The following LONP2 variants were observed in gnomAD, a reference collection of about 807,000 sequenced individuals.
The protein encoded by LONP2 is lon protease homolog 2, peroxisomal.
Under a neutral mutation model 85.6 loss-of-function variants are expected in LONP2, and 60 were observed. The observed-to-expected ratio is 0.70, with a 90% CI of 0.57 to 0.87. LONP2 has a LOEUF of 0.87. Ranked by LOEUF, LONP2 falls within the 40% of genes least tolerant of loss-of-function variation. The pLI, the probability that LONP2 is intolerant of heterozygous loss-of-function variation, is 0.00. For synonymous variants in LONP2, 395 were observed against 389.7 expected (o/e 1.01, Z -0.16); for missense variants, 860 against 1,063.5 (o/e 0.81, Z 2.66).
chr16:48,253,105 C>T (rs1971687924), intron 2 of LONP2, among the ~76,000 whole-genome samples: 1 of 152,126 alleles, frequency 6.6e-6, no homozygotes, highest in African/African-American at 2.4e-5. Flanking sequence ...TGTTCATAGC[C>T]AGTGGTATTT....
intron 6 of LONP2, among the ~76,000 whole-genome samples, chr16:48,268,112 T>A (rs567762962): frequency 6.6e-6 from 1 of 152,264 alleles, no homozygotes; most frequent in East Asian, 1.9e-4. Flanking sequence ...ATTTGAAAAA[T>A]TTTTTACATG....
In LONP2 at chr16:48,246,329, A is replaced by G. The variant is rs370728161; in HGVS notation, c.233+1708A>G. Among the ~76,000 whole-genome samples the G allele has an allele frequency of 4.6e-5, 7 of 152,274 alleles. No homozygotes were observed. In the South Asian group the frequency reaches 6.2e-4, roughly 14 times the overall value. On this transcript the variant is annotated intron_variant, in intron 1 of 14. Transcript: ENST00000285737. ...AATTGTATTGGATTCTAGTTTCCCA[A>G]CATACGACTCTGCTCCTTCTGCTTA...
chr16:48,328,369 C>A (rs1959318578), intron 11 of LONP2, among the ~76,000 whole-genome samples: 1 of 151,760 alleles, frequency 6.6e-6, no homozygotes, highest in Non-Finnish European at 1.5e-5. Context: ...CATGGTGAAA[C>A]CCCGTCTCTA....
chr16:48,264,076 T>C (rs916916136), intron 6 of LONP2, among the ~76,000 whole-genome samples: 2 of 152,028 alleles, frequency 1.3e-5, no homozygotes, highest in African/African-American at 4.8e-5. Context: ...ACAAGGCAAA[T>C]GGAGGCAGGG....
At chr16:48,281,878 T>C (rs1972335313) in intron 8 of LONP2, among the ~76,000 whole-genome samples, 1 of 152,224 alleles carries the variant, frequency 6.6e-6, no homozygotes, top group Non-Finnish European at 1.5e-5. Context: ...ACAATTATTG[T>C]CAAAGAATGT....
At chr16:48,246,575 T>G (rs888761238) in intron 1 of LONP2, among the ~76,000 whole-genome samples, 1 of 152,180 alleles carries the variant, frequency 6.6e-6, no homozygotes, top group Non-Finnish European at 1.5e-5. Context: ...TATTTATTCA[T>G]TTGTGTATTT....
intron 11 of LONP2, among the ~76,000 whole-genome samples, chr16:48,319,468 C>T (rs543749506): frequency 6.6e-6 from 1 of 152,246 alleles, no homozygotes; most frequent in African/African-American, 2.4e-5. Context: ...CTACTTGTTA[C>T]AGGATCTTCC....
chr16:48,302,438 A>C (rs938084352), intron 10 of LONP2, among the ~76,000 whole-genome samples: 7 of 152,244 alleles, frequency 4.6e-5, no homozygotes, highest in African/African-American at 1.7e-4. Context: ...ATAAAACTGC[A>C]TTCTCCACCT....
chr16:48,274,663 CA>C (rs926412056), intron 7 of LONP2, among the ~76,000 whole-genome samples: 4 of 151,556 alleles, frequency 2.6e-5, no homozygotes, highest in Non-Finnish European at 5.9e-5. Flanking sequence ...CCCACACACC[CA>C]CCCACACCCA....
intron 2 of LONP2, among the ~76,000 whole-genome samples, chr16:48,255,990 C>T (rs999820976): frequency 2.0e-5 from 3 of 151,990 alleles, no homozygotes; most frequent in Admixed American, 6.6e-5. Context: ...TCTGATTGGC[C>T]GTGATAATAG....
At chr16:48,343,451 C>T (rs1010382724) in intron 12 of LONP2, among the ~76,000 whole-genome samples, 2 of 152,154 alleles carry the variant, frequency 1.3e-5, no homozygotes, top group Admixed American at 1.3e-4. Flanking sequence ...GTAATCCCAG[C>T]ACTTTGGGAG....
At chr16:48,268,387 C>T (rs918938283) in intron 6 of LONP2, among the ~76,000 whole-genome samples, 4 of 152,128 alleles carry the variant, frequency 2.6e-5, no homozygotes, top group South Asian at 2.1e-4. Context: ...GAATGGATAA[C>T]GCATTATAAC....
At chr16:48,305,711 C>T (rs1234798605) in intron 11 of LONP2, among the ~76,000 whole-genome samples, 3 of 152,078 alleles carry the variant, frequency 2.0e-5, no homozygotes, top group Non-Finnish European at 4.4e-5. Context: ...TATCTCTAGC[C>T]CCACAAATGT....
chr16:48,247,872 C>T (rs1433104232), intron 1 of LONP2, among the ~76,000 whole-genome samples: 1 of 152,158 alleles, frequency 6.6e-6, no homozygotes, highest in Non-Finnish European at 1.5e-5. Flanking sequence ...CTCAAGTGAT[C>T]CTCCTGCCTC....
intron 8 of LONP2, among the ~76,000 whole-genome samples, chr16:48,280,075 G>A (rs1291115888): frequency 6.6e-6 from 1 of 152,108 alleles, no homozygotes; most frequent in Admixed American, 6.5e-5. Flanking sequence ...GGAGGTAAGG[G>A]TTTGATTTGG....
At chr16:48,313,556 C>T (rs1017361968) in intron 11 of LONP2, among the ~76,000 whole-genome samples, 6 of 152,144 alleles carry the variant, frequency 3.9e-5, no homozygotes, top group Non-Finnish European at 7.4e-5. Flanking sequence ...TCAGCTCCCA[C>T]TTATAAGTGA....
chr16:48,339,668 G>A (rs1157646284), intron 12 of LONP2, among the ~76,000 whole-genome samples: 1 of 152,164 alleles, frequency 6.6e-6, no homozygotes, highest in Non-Finnish European at 1.5e-5. Context: ...AAGTGAGAGG[G>A]GGTGGGACCC....
At chr16:48,306,860 T>C (rs1972922417) in intron 11 of LONP2, among the ~76,000 whole-genome samples, 1 of 152,176 alleles carries the variant, frequency 6.6e-6, no homozygotes, top group Non-Finnish European at 1.5e-5. Context: ...GACAGTTGTT[T>C]TAGAAACTTC....
At chr16:48,315,822 A>ATTTT (rs149899096) in intron 11 of LONP2, among the ~76,000 whole-genome samples, 1 of 141,220 alleles carries the variant, frequency 7.1e-6, no homozygotes, top group Non-Finnish European at 1.6e-5. Context: ...CCTCCTTTCT[A>ATTTT]TTTTTTTTTT....
Sources: allele counts gnomAD v4.1 joint callset (sites outside exome capture counted in the v4.1 genomes callset), GRCh38; gene constraint gnomAD v4.1.1; transcripts MANE v1.5; gene names NCBI Gene and HGNC (gene_info 2026-07-23, HGNC 2026-07-21).